CFHR4: variants seen among roughly 807,000 people sequenced by gnomAD.
CFHR4 encodes complement factor H-related protein 4.
A neutral mutation model predicts 69.3 loss-of-function variants in CFHR4; 64 were observed. The observed-to-expected ratio is 0.92, with a 90% confidence interval of 0.76 to 1.14. The LOEUF (loss-of-function observed/expected upper bound fraction) is 1.14, where lower values mean the gene tolerates loss of function less well. CFHR4 is among the 50% of genes most tolerant of loss of function. The pLI is 0.00. For missense variants in CFHR4, 636 were observed against 684.9 expected, an observed-to-expected ratio of 0.93 and a Z score of 0.80; for synonymous variants, 244 against 237.0, an observed-to-expected ratio of 1.03 and a Z score of -0.27.
At chr1:196,918,188 T>C (rs1232521573) in intron 9 of CFHR4, 22 bp from the exon 10 acceptor site, 5 of 1,596,080 alleles carry the variant, frequency 3.1e-6, no homozygotes, top group Non-Finnish European at 3.4e-6. Flanking sequence ...TGATTGTTAA[T>C]TGTTTCTTTT....
chr1:196,898,199 T>A (rs543366094), intron 1 of CFHR4, among the ~76,000 whole-genome samples: 1 of 151,138 alleles, frequency 6.6e-6, no homozygotes, highest in African/African-American at 2.4e-5. Context: ...AAACACAGAA[T>A]TGAAGATTTA....
intron 5 of CFHR4, 48 bp from the exon 6 acceptor site, chr1:196,910,233 C>T: frequency 9.3e-7 from 1 of 1,080,642 alleles, no homozygotes; most frequent in Non-Finnish European, 1.3e-6. Context: ...ATATCATTGT[C>T]TGTTACAGTG....
chr1:196,908,178 G>A (rs1658018779), intron 5 of CFHR4, among the ~76,000 whole-genome samples: 2 of 151,308 alleles, frequency 1.3e-5, no homozygotes, highest in African/African-American at 2.4e-5. Flanking sequence ...AGCTAGGGGA[G>A]GGATAGCATT....
chr1:196,895,319 T>C (rs1657239515), intron 1 of CFHR4, among the ~76,000 whole-genome samples: 1 of 151,484 alleles, frequency 6.6e-6, no homozygotes, highest in African/African-American at 2.4e-5. Flanking sequence ...TTAAGTTCAT[T>C]AAGTTTATTG....
Position 196,909,400 on chromosome 1 carries a change from A to G in CFHR4, c.800-881A>G, listed in dbSNP as rs918800469. 2.6e-5 allele frequency among the ~76,000 whole-genome samples: 4 copies of G among 151,552 alleles called. 1 individual carries two copies. The highest frequency in any genetic ancestry group is 9.7e-5 in the African/African-American group (4 of 41,074). Reference sequence around the variant, plus strand: ...TAAAGTAATAAGGAAAACATTCCAGAACAGCAGAAAACTTTAGAAACTTTT... The same window carrying G: ...TAAAGTAATAAGGAAAACATTCCAGGACAGCAGAAAACTTTAGAAACTTTT... On this transcript the variant is annotated intron_variant, in intron 5 of 9. Coordinates refer to ENST00000608469, the MANE Select transcript of CFHR4 (RefSeq NM_001201550.3).
At chr1:196,908,753 A>G (rs1658063244) in intron 5 of CFHR4, among the ~76,000 whole-genome samples, 1 of 151,572 alleles carries the variant, frequency 6.6e-6, no homozygotes, top group Non-Finnish European at 1.5e-5. Context: ...ATATCAGATA[A>G]CTTATTCCTG....
intron 1 of CFHR4, among the ~76,000 whole-genome samples, chr1:196,893,980 C>T (rs908325132): frequency 6.6e-6 from 1 of 151,482 alleles, no homozygotes; most frequent in Non-Finnish European, 1.5e-5. Flanking sequence ...GGGAAGATAA[C>T]ACAAAAATTT....
intron 1 of CFHR4, among the ~76,000 whole-genome samples, chr1:196,901,730 C>T (rs1657617723): frequency 6.6e-6 from 1 of 150,734 alleles, no homozygotes; most frequent in African/African-American, 2.5e-5. Flanking sequence ...ACAAATTCCT[C>T]AATAAACTGT....
intron 1 of CFHR4, among the ~76,000 whole-genome samples, chr1:196,892,163 C>T (rs1377550365): frequency 6.6e-6 from 1 of 151,440 alleles, no homozygotes; most frequent in Non-Finnish European, 1.5e-5. Context: ...AGAGACCATA[C>T]TACGTAGGAG....
intron 1 of CFHR4, 128 bp downstream of exon 1, chr1:196,888,336 C>A: frequency 5.8e-6 from 5 of 862,934 alleles, no homozygotes; most frequent in South Asian, 3.5e-5. Context: ...GCAGAAGTAG[C>A]ATATTTTGTG....
chr1:196,914,786 A>G (rs530809056), intron 8 of CFHR4, 115 bp downstream of exon 8: 32 of 1,401,858 alleles, frequency 2.3e-5, no homozygotes, highest in African/African-American at 4.5e-5. Flanking sequence ...TAGTCCTCCT[A>G]TGAGTGTGAA....
rs1055954095 is a variant in CFHR4, at chr1:196,904,785, A to C, written c.257-323A>C. ...TCTAAGACCTCTTAATAGCACCAGA[A>C]AGGTTCAGGTTATTGCAAAGTAGCC... On this transcript the variant is annotated intron_variant, in intron 2 of 9. Coordinates refer to ENST00000608469, the MANE Select transcript of CFHR4 (RefSeq NM_001201550.3). 2.6e-5 allele frequency among the ~76,000 whole-genome samples: 4 copies of C among 151,566 alleles called. 1 individual carries two copies. Among genetic ancestry groups the C allele is most frequent in the African/African-American group, 9.7e-5 (4 of 41,104 alleles).
chr1:196,915,704 AAG>A (rs1658578664), intron 9 of CFHR4, among the ~76,000 whole-genome samples: 1 of 151,510 alleles, frequency 6.6e-6, no homozygotes, highest in African/African-American at 2.4e-5. Context: ...AAAAGAGAAA[AAG>A]AAAAAACCAA....
At chr1:196,914,177 T>C (rs1489738168) in intron 7 of CFHR4, among the ~76,000 whole-genome samples, 2 of 151,488 alleles carry the variant, frequency 1.3e-5, no homozygotes, top group Non-Finnish European at 1.5e-5. Flanking sequence ...TTTAAAATAA[T>C]AGATTGTAGT....
chr1:196,902,746 A>C (rs1657694953), intron 2 of CFHR4, 131 bp downstream of exon 2: 1 of 636,386 alleles, frequency 1.6e-6, no homozygotes, highest in East Asian at 2.8e-5. Flanking sequence ...AAAAAGACCA[A>C]AATGGATCTT....
chr1:196,900,442 GC>G (rs748355170), intron 1 of CFHR4, among the ~76,000 whole-genome samples: 1 of 150,306 alleles, frequency 6.7e-6, no homozygotes, highest in East Asian at 2.0e-4. Flanking sequence ...GATAATGATA[GC>G]TACTTTTAAT....
Position 196,902,426 on chromosome 1 carries a change from C to G in CFHR4, c.67C>G (p.Pro23Ala), listed in dbSNP as rs560734727. 6.2e-7 allele frequency: 1 copy of G among 1,602,766 alleles called. No individual in the cohort carries two copies. Among genetic ancestry groups the G allele is most frequent in the South Asian group, 1.1e-5 (1 of 89,514 alleles). Residue 23 changes from proline to alanine, a missense_variant, in exon 2 of 10, where the codon CCT (proline) becomes GCT (alanine). Pro to Ala is a conservative substitution (Grantham distance 27). Coordinates refer to ENST00000608469, the MANE Select transcript of CFHR4 (RefSeq NM_001201550.3). ...TTGTTTTTTATTACAAGAAGTGAAA[C>G]CTTGTGATTTTCCAGAAATTCAACA... The part of the protein sequence containing the change: ...VSCANGQEVK[P>A]CDFPEIQHGG...
At chr1:196,898,266 T>A (rs900299764) in intron 1 of CFHR4, among the ~76,000 whole-genome samples, 12 of 151,556 alleles carry the variant, frequency 7.9e-5, no homozygotes, top group African/African-American at 2.7e-4. Flanking sequence ...ACAGGGCAAA[T>A]GCACTAGTAG....
At chr1:196,912,100 G>C (rs1050412102) in intron 6 of CFHR4, among the ~76,000 whole-genome samples, 11 of 151,064 alleles carry the variant, frequency 7.3e-5, no homozygotes, top group African/African-American at 2.7e-4. Flanking sequence ...ATACCCATTA[G>C]TAATGTATAG....
Sources: gnomAD v4.1 joint callset for allele counts (sites outside exome capture counted in the v4.1 genomes callset) on GRCh38, gnomAD v4.1.1 for gene constraint, MANE v1.5 for transcripts, NCBI Gene and HGNC (gene_info 2026-07-23, HGNC 2026-07-21) for gene names.